The following PABPC4L variants were observed in gnomAD, a reference collection of about 807,000 sequenced individuals.
PABPC4L encodes poly(A) binding protein cytoplasmic 4 like.
For synonymous variants in PABPC4L, 169 were observed against 164.1 expected, an observed-to-expected ratio of 1.03 and a Z score of -0.23; for missense variants, 452 against 451.4, an observed-to-expected ratio of 1.00 and a Z score of -0.01.
the PABPC4L span, among the ~76,000 whole-genome samples, chr4:134,067,829 T>C: frequency 3.1e-3 from 474 of 152,292 alleles, 3 homozygotes; most frequent in African/African-American, 0.011. Context: ...TGTAATTGTT[T>C]GGTTTTGAGT....
At chr4:134,014,018 C>A in the PABPC4L span, among the ~76,000 whole-genome samples, 1 of 152,094 alleles carries the variant, frequency 6.6e-6, no homozygotes, top group Non-Finnish European at 1.5e-5. Flanking sequence ...GTTAATGCTC[C>A]TTTTTCTTTA....
the PABPC4L span, among the ~76,000 whole-genome samples, chr4:134,086,962 C>A: frequency 6.6e-6 from 1 of 151,400 alleles, no homozygotes; most frequent in South Asian, 2.1e-4. Context: ...TTCCCCCCAC[C>A]CCACAACAGT....
the PABPC4L span, among the ~76,000 whole-genome samples, chr4:133,955,369 A>G: frequency 2.6e-5 from 4 of 152,172 alleles, no homozygotes; most frequent in African/African-American, 9.6e-5. Context: ...TTATAATTCA[A>G]AAGTATACTG....
chr4:134,160,949 C>G, the PABPC4L span, among the ~76,000 whole-genome samples: 1 of 151,550 alleles, frequency 6.6e-6, no homozygotes, highest in African/African-American at 2.4e-5. Context: ...AGTGAGGAAC[C>G]AGTGACCGAT....
chr4:133,960,974 A>G, the PABPC4L span, among the ~76,000 whole-genome samples: 3 of 152,044 alleles, frequency 2.0e-5, no homozygotes, highest in African/African-American at 7.2e-5. Context: ...GTCTTTCCCT[A>G]TCCATCCTGG....
At chr4:134,019,729 A>C in the PABPC4L span, among the ~76,000 whole-genome samples, 1 of 152,276 alleles carries the variant, frequency 6.6e-6, no homozygotes, top group Non-Finnish European at 1.5e-5. Flanking sequence ...CTAGAATCTT[A>C]GTAGTTTTAA....
At chr4:133,985,384 T>A in the PABPC4L span, among the ~76,000 whole-genome samples, 1 of 151,978 alleles carries the variant, frequency 6.6e-6, no homozygotes, top group African/African-American at 2.4e-5. Flanking sequence ...GATATGCACT[T>A]TGGGGGTGAT....
At chr4:134,166,204 A>C in the PABPC4L span, among the ~76,000 whole-genome samples, 1 of 152,266 alleles carries the variant, frequency 6.6e-6, no homozygotes, top group South Asian at 2.1e-4. Context: ...TGATGGCTGC[A>C]CTAAAACTTC....
chr4:134,032,478 T>A, the PABPC4L span, among the ~76,000 whole-genome samples: 1 of 151,862 alleles, frequency 6.6e-6, no homozygotes. Context: ...TTCCACCAAT[T>A]ACTTTTCTTG....
chr4:134,130,079 A>G, the PABPC4L span, among the ~76,000 whole-genome samples: 2 of 151,502 alleles, frequency 1.3e-5, no homozygotes, highest in Admixed American at 1.3e-4. Flanking sequence ...AAAAAAAAAA[A>G]AACAACTTTG....
At chr4:134,007,348 A>C in the PABPC4L span, among the ~76,000 whole-genome samples, 2 of 151,932 alleles carry the variant, frequency 1.3e-5, no homozygotes, top group South Asian at 4.1e-4. Context: ...TTTCAAAAAA[A>C]AAATGACACT....
chr4:134,125,662 T>C, the PABPC4L span, among the ~76,000 whole-genome samples: 1 of 152,282 alleles, frequency 6.6e-6, no homozygotes, highest in East Asian at 1.9e-4. Flanking sequence ...ATTCAAATAT[T>C]AATGTTATTT....
chr4:134,082,518 A>G, the PABPC4L span, among the ~76,000 whole-genome samples: 6 of 152,122 alleles, frequency 3.9e-5, no homozygotes, highest in African/African-American at 1.4e-4. Context: ...TGTTCTTATT[A>G]TGTCTATTAA....
At chr4:134,178,699 C>G in the PABPC4L span, among the ~76,000 whole-genome samples, 1 of 151,992 alleles carries the variant, frequency 6.6e-6, no homozygotes, top group Admixed American at 6.6e-5. Flanking sequence ...TAAGAAAGTA[C>G]TAAACAGTTC....
At chr4:134,120,929 C>A in the PABPC4L span, among the ~76,000 whole-genome samples, 1 of 151,236 alleles carries the variant, frequency 6.6e-6, no homozygotes, top group Non-Finnish European at 1.5e-5. Flanking sequence ...CTCTGTGGAG[C>A]TATTTACATT....
At chr4:134,055,451 A>G in the PABPC4L span, among the ~76,000 whole-genome samples, 13 of 149,518 alleles carry the variant, frequency 8.7e-5, no homozygotes, top group Non-Finnish European at 1.6e-4. Flanking sequence ...AGCCAGAAAG[A>G]AAGGCCTCTC....
At chr4:134,092,150 C>T in the PABPC4L span, among the ~76,000 whole-genome samples, 1 of 152,026 alleles carries the variant, frequency 6.6e-6, no homozygotes, top group African/African-American at 2.4e-5. Context: ...CACTCACAAG[C>T]CTGGGCCCAC....
chr4:134,087,862 G>T, the PABPC4L span, among the ~76,000 whole-genome samples: 2 of 151,916 alleles, frequency 1.3e-5, no homozygotes, highest in Non-Finnish European at 2.9e-5. Flanking sequence ...TTAGAGCAAG[G>T]CTTCTATGGC....
At chr4:133,985,327 A>C in the PABPC4L span, among the ~76,000 whole-genome samples, 2 of 151,982 alleles carry the variant, frequency 1.3e-5, no homozygotes, top group Non-Finnish European at 2.9e-5. Context: ...CTTCATTCAG[A>C]AGTACCTATT....
Sources: allele counts gnomAD v4.1 joint callset (sites outside exome capture counted in the v4.1 genomes callset), GRCh38; gene constraint gnomAD v4.1.1; transcripts MANE v1.5; gene names NCBI Gene and HGNC (gene_info 2026-07-23, HGNC 2026-07-21).